Variants in GNG7 observed in about 807,000 individuals in gnomAD.
GNG7 encodes guanine nucleotide-binding protein G(I)/G(S)/G(O) subunit gamma-7.
A neutral mutation model predicts 4.0 loss-of-function variants in GNG7; 1 was observed. The observed-to-expected ratio is 0.25, with a 90% CI of 0.09 to 1.18. The LOEUF is 1.18. Among genes scored for constraint, GNG7 ranks in the 50% most tolerant of loss-of-function variants. GNG7 has a pLI of 0.50. For missense variants in GNG7, 86 were observed against 91.9 expected, an observed-to-expected ratio of 0.94 and a Z score of 0.26; for synonymous variants, 34 against 36.9, an observed-to-expected ratio of 0.92 and a Z score of 0.29.
At chr19:2,520,848 G>A in intron 3 of GNG7, 123 bp from the exon 4 acceptor site, 1 of 586,794 alleles carries the variant, frequency 1.7e-6, no homozygotes, top group South Asian at 2.0e-5. Flanking sequence ...TCTGGGTGGG[G>A]ACCAGGGGCC....
At chr19:2,691,866 C>A (rs1302303632) in intron 1 of GNG7, among the ~76,000 whole-genome samples, 26 of 125,970 alleles carry the variant, frequency 2.1e-4, no homozygotes, top group African/African-American at 2.6e-4. Flanking sequence ...GATTGCATCT[C>A]AAAAAAAAAA....
At chr19:2,678,168 G>A (rs1176501794) in intron 1 of GNG7, among the ~76,000 whole-genome samples, 1 of 152,142 alleles carries the variant, frequency 6.6e-6, no homozygotes. Flanking sequence ...GGAGGTGGCG[G>A]TGGCCGACGC....
At position 2,614,689 on chromosome 19, in the gene GNG7, G is replaced by A. The variant is rs57550439; in HGVS notation, c.-78+31535C>T. ...CCACGCTGTTTATCTATTTACCCAC[G>A]GACGGACACTTGGGTCATTTCCACC... On this transcript the variant is annotated intron_variant, in intron 2 of 4. Transcript: ENST00000382159. The surrounding 1 kb of genome is among the most constrained non-coding windows in gnomAD (Gnocchi z 6.0). 0.1 allele frequency among the ~76,000 whole-genome samples: 15,858 copies of A among 152,104 alleles called. 1,887 individuals are homozygous for A. Among genetic ancestry groups the A allele is most frequent in the African/African-American group, 0.3 (12,269 of 41,450 alleles).
chr19:2,639,355 G>C (rs1982419515), intron 2 of GNG7, among the ~76,000 whole-genome samples: 1 of 152,028 alleles, frequency 6.6e-6, no homozygotes, highest in Non-Finnish European at 1.5e-5. Flanking sequence ...CAATGCGCCT[G>C]AGACGCCGGA....
chr19:2,665,486 AAAAG>A (rs1413843180), intron 1 of GNG7, among the ~76,000 whole-genome samples: 3 of 152,172 alleles, frequency 2.0e-5, no homozygotes, highest in Non-Finnish European at 2.9e-5. Context: ...CGGGACAAAA[AAAAG>A]AAAGAAAATG....
At chr19:2,642,675 T>C in intron 2 of GNG7, 1 of 399,658 alleles carries the variant, frequency 2.5e-6, no homozygotes, top group Non-Finnish European at 5.0e-6. Flanking sequence ...TAATTTTCTG[T>C]AGAGTTTAGG....
At chr19:2,562,010 G>A (rs1047776194) in intron 2 of GNG7, among the ~76,000 whole-genome samples, 15 of 151,842 alleles carry the variant, frequency 9.9e-5, no homozygotes, top group Admixed American at 2.6e-4. Flanking sequence ...TCTGAGCTTC[G>A]CAGGCTCTTC....
chr19:2,540,845 C>G (rs1978937136), intron 3 of GNG7, among the ~76,000 whole-genome samples: 1 of 152,216 alleles, frequency 6.6e-6, no homozygotes, highest in African/African-American at 2.4e-5. Flanking sequence ...CAGCGAGACC[C>G]AGAGAGGCTG....
chr19:2,649,157 G>C (rs2144863866), intron 1 of GNG7, among the ~76,000 whole-genome samples: 1 of 151,666 alleles, frequency 6.6e-6, no homozygotes, highest in South Asian at 2.1e-4. Flanking sequence ...GCCTGGTCTT[G>C]AACTCCTGGG....
intron 1 of GNG7, among the ~76,000 whole-genome samples, chr19:2,657,399 T>TATATATATATATATATATATATAC (rs1332253018): frequency 1.2e-5 from 1 of 80,748 alleles, no homozygotes; most frequent in Non-Finnish European, 2.3e-5. Context: ...TATATATATA[T>TATATATATATATATATATATATAC]ACACATAATA....
At chr19:2,539,856 C>CCCTCCCTT (rs1165014323) in intron 3 of GNG7, among the ~76,000 whole-genome samples, 1 of 146,914 alleles carries the variant, frequency 6.8e-6, no homozygotes, top group Non-Finnish European at 1.5e-5. Context: ...CTTCCTGCCT[C>CCCTCCCTT]CCTCCCTTCT....
At chr19:2,596,673 C>G (rs199538234) in intron 2 of GNG7, among the ~76,000 whole-genome samples, 1 of 150,448 alleles carries the variant, frequency 6.6e-6, no homozygotes. Context: ...TGTCCCCCCC[C>G]CAAAAAAAAA....
In GNG7 at chr19:2,617,988, G is replaced by A. The variant is rs951184802; in HGVS notation, c.-78+28236C>T. Among the ~76,000 whole-genome samples the A allele has an allele frequency of 1.3e-5, 2 of 151,968 alleles. No individual in the cohort carries two copies. The highest frequency in any genetic ancestry group is 2.9e-5 in the Non-Finnish European group (2 of 67,990). ...TCCCACCTCGGCCTCCCAAAGCGCTGAGATTACAGGCGTGACTATTTCCTT... is the reference window on the plus strand; with the variant it reads ...TCCCACCTCGGCCTCCCAAAGCGCTAAGATTACAGGCGTGACTATTTCCTT... On this transcript the variant is annotated intron_variant, in intron 2 of 4. Coordinates refer to ENST00000382159, the MANE Select transcript of GNG7 (RefSeq NM_052847.3). The surrounding 1 kb of genome is among the most constrained non-coding windows in gnomAD (Gnocchi z 4.7).
intron 3 of GNG7, among the ~76,000 whole-genome samples, chr19:2,524,524 G>A (rs897047597): frequency 4.6e-5 from 7 of 152,240 alleles, no homozygotes; most frequent in African/African-American, 2.4e-5. Context: ...ATGCGTGTGT[G>A]CACACATATC....
chr19:2,672,100 C>G (rs1983470734), intron 1 of GNG7, among the ~76,000 whole-genome samples: 1 of 150,868 alleles, frequency 6.6e-6, no homozygotes, highest in African/African-American at 2.4e-5. Flanking sequence ...CCCAGTGGCG[C>G]AGTCTCAGCT....
At chr19:2,688,208 G>A (rs767178131) in intron 1 of GNG7, among the ~76,000 whole-genome samples, 13 of 152,192 alleles carry the variant, frequency 8.5e-5, no homozygotes, top group Non-Finnish European at 1.5e-4. Flanking sequence ...AGCCAAGATC[G>A]CGCCACTGCA....
chr19:2,601,133 C>G (rs77445319), intron 2 of GNG7, among the ~76,000 whole-genome samples: 10,678 of 151,994 alleles, frequency 0.07, 441 homozygotes, highest in East Asian at 0.1. Context: ...AGACCTCCCC[C>G]CCGCCACCAT....
chr19:2,560,559 C>T (rs1298935310), intron 2 of GNG7, among the ~76,000 whole-genome samples: 2 of 152,106 alleles, frequency 1.3e-5, no homozygotes, highest in African/African-American at 2.4e-5. Flanking sequence ...CTTGGGGGTG[C>T]TCCTGGCATG....
chr19:2,656,476 C>T (rs989191994), intron 1 of GNG7, among the ~76,000 whole-genome samples: 2 of 152,160 alleles, frequency 1.3e-5, no homozygotes, highest in African/African-American at 2.4e-5. Flanking sequence ...GTGGTGCACG[C>T]CTGTAGTCCC....
Sources: gnomAD v4.1 joint callset for allele counts (sites outside exome capture counted in the v4.1 genomes callset) on GRCh38, gnomAD v4.1.1 for gene constraint, Gnocchi (gnomAD v3.1) non-coding constraint, MANE v1.5 for transcripts, NCBI Gene and HGNC (gene_info 2026-07-23, HGNC 2026-07-21) for gene names.